Variants in SIGLEC9 observed in about 807,000 individuals in gnomAD.
The protein encoded by SIGLEC9 is sialic acid binding Ig like lectin 9, also known as sialic acid-binding Ig-like lectin 9.
Under a neutral mutation model 38.3 loss-of-function variants are expected in SIGLEC9, and 26 were observed. That is an observed-to-expected ratio of 0.68 (90% confidence interval 0.50 to 0.94). The LOEUF is 0.94. Among genes scored for constraint, SIGLEC9 ranks in the 40% least tolerant of loss-of-function variants. The pLI, the probability that SIGLEC9 is intolerant of heterozygous loss-of-function variation, is 0.00. For synonymous variants in SIGLEC9, 236 were observed against 248.0 expected (o/e 0.95, Z 0.45); for missense variants, 556 against 585.7 (o/e 0.95, Z 0.52).
chr19:51,134,147 C>CTTTTTT (rs71185802), downstream of SIGLEC9, among the ~76,000 whole-genome samples: 1,411 of 66,482 alleles, frequency 0.021, 51 homozygotes, highest in Non-Finnish European at 0.03. Context: ...TCTTTCTTTT[C>CTTTTTT]TTTTTTTTTT....
chr19:51,127,009 C>T, intron 3 of SIGLEC9, 21 bp from the exon 4 acceptor site: 1 of 1,610,260 alleles, frequency 6.2e-7, no homozygotes, highest in Non-Finnish European at 8.5e-7. Context: ...TCTCTCTGAC[C>T]CTCTGTCTCT....
At chr19:51,129,138 C>CTTTTTTT (rs1220098385) in intron 6 of SIGLEC9, among the ~76,000 whole-genome samples, 1 of 142,664 alleles carries the variant, frequency 7.0e-6, no homozygotes, top group African/African-American at 3.0e-5. Flanking sequence ...CACATTCTGA[C>CTTTTTTT]TTTTTTTGTT....
At chr19:51,132,654 C>T (rs1403903864), downstream of SIGLEC9, among the ~76,000 whole-genome samples, 1 of 152,226 alleles carries the variant, frequency 6.6e-6, no homozygotes, top group African/African-American at 2.4e-5. Context: ...GCCGCCGCAT[C>T]CCGCTCAGCT....
rs757637187 is a variant in SIGLEC9 at position 51,125,237 on chromosome 19, G to T, written c.263G>T (p.Arg88Leu). The T allele has an allele frequency of 4.3e-6, 7 of 1,614,052 alleles. No individual in the cohort carries two copies. The South Asian group carries it at 7.7e-5, about 18-fold the overall frequency. Residue 88 changes from arginine (R) to leucine (L), a missense_variant, in exon 1 of 7, where the codon CGG (arginine) becomes CTG (leucine). By Grantham distance (102) the Arg-to-Leu change is moderately radical (BLOSUM62 -2). Transcript: ENST00000250360. ...GCTCGGGCAGTGTGGGAGGAGACTC[G>T]GGACCGATTCCACCTCCTTGGGGAC... ...NPARAVWEET[R>L]DRFHLLGDPH...
chr19:51,134,138 CTTTCT>C (rs2092030765), downstream of SIGLEC9, among the ~76,000 whole-genome samples: 2 of 69,794 alleles, frequency 2.9e-5, no homozygotes, highest in African/African-American at 4.3e-5. Context: ...AATTTTATTT[CTTTCT>C]TTTCTTTTTT....
chr19:51,134,147 C>CTTTTTTTTTTTTTTT (rs71185802), downstream of SIGLEC9, among the ~76,000 whole-genome samples: 3 of 66,506 alleles, frequency 4.5e-5, no homozygotes, highest in Non-Finnish European at 8.0e-5. Context: ...TCTTTCTTTT[C>CTTTTTTTTTTTTTTT]TTTTTTTTTT....
At chr19:51,126,171 T>G in intron 3 of SIGLEC9, 43 bp downstream of exon 3, 1 of 1,574,956 alleles carries the variant, frequency 6.3e-7, no homozygotes, top group Non-Finnish European at 8.7e-7. Flanking sequence ...AGCAGGGCCT[T>G]CAGGTCAGGA....
rs199616534 is a variant in SIGLEC9 at position 51,125,075 on chromosome 19, G to C, written c.101G>C (p.Gly34Ala). The C allele has an allele frequency of 1.4e-5, 23 of 1,613,962 alleles. No individual in the cohort carries two copies. Among genetic ancestry groups the C allele is most frequent in the Non-Finnish European group, 1.8e-5 (21 of 1,179,984 alleles). Reference protein sequence around the residue: ...TMQSSVTVQEGLCVHVPCSFS... With the variant: ...TMQSSVTVQEALCVHVPCSFS... ...CAGAGTTCCGTGACGGTGCAGGAAG[G>C]CCTGTGTGTCCATGTGCCCTGCTCC... Residue 34 changes from glycine to alanine, a missense_variant, in exon 1 of 7, where the codon GGC (glycine) becomes GCC (alanine). Coordinates refer to ENST00000250360, the MANE Select transcript of SIGLEC9 (RefSeq NM_014441.3).
intron 5 of SIGLEC9, 101 bp from the exon 6 acceptor site, chr19:51,128,313 C>T: frequency 7.3e-7 from 1 of 1,361,036 alleles, no homozygotes; most frequent in Non-Finnish European, 1.0e-6. Context: ...CCACCTCAGT[C>T]ACCCCTGCAG....
chr19:51,133,405 T>C (rs1423141835), downstream of SIGLEC9, among the ~76,000 whole-genome samples: 1 of 134,628 alleles, frequency 7.4e-6, no homozygotes, highest in Non-Finnish European at 1.6e-5. Context: ...AAACACCATC[T>C]CTACCAAAAA....
chr19:51,121,887 C>G (rs2091950923), upstream of SIGLEC9, among the ~76,000 whole-genome samples: 1 of 152,090 alleles, frequency 6.6e-6, no homozygotes, highest in African/African-American at 2.4e-5. Context: ...CGCACCCAGC[C>G]TCTTTGCTGT....
rs1017640620 is a variant in SIGLEC9 at position 51,136,194 on chromosome 19, G to A, written c.1436G>A (p.Gly479Asp). The change falls in exon 7 of 7, where the codon GGC becomes GAC. Residue 479 changes from glycine (G) to aspartate (D), a missense_variant. Transcript: ENST00000440804. ...CACTGGTTCTTCCTCATCTGTGTGGGCTGATGTTCCTTTAATCTTTGAAGT... is the reference window on the plus strand; with the variant it reads ...CACTGGTTCTTCCTCATCTGTGTGGACTGATGTTCCTTTAATCTTTGAAGT... 1.3e-5 allele frequency: 9 copies of A among 702,978 alleles called. No individual in the cohort carries two copies. The African/African-American group carries it at 1.4e-4, about 11-fold the overall frequency. The allele number at this position is 702,978 out of a possible 1,614,324, so 43.5% of individuals were successfully genotyped here. A position where few individuals can be genotyped will look rare whatever the true frequency, so the allele number is the denominator to read the frequency against.
chr19:51,125,682 C>T lies in SIGLEC9; in HGVS notation c.507C>T (p.Ala169=), dbSNP rs147990048. 44 of 1,613,978 alleles carry T rather than the reference C, an allele frequency of 2.7e-5. No homozygotes were observed. In the East Asian group the frequency reaches 9.6e-4, roughly 35 times the overall value. The change falls in exon 2 of 7, where the codon GCC becomes GCT. Residue 169 remains alanine, a synonymous_variant. Coordinates refer to ENST00000250360, the MANE Select transcript of SIGLEC9 (RefSeq NM_014441.3). ...PQNLTCSVPW[A]CEQGTPPMIS... ...ATCTGACCTGCTCTGTGCCCTGGGC[C>T]TGTGAGCAGGGGACACCCCCTATGA... is the stretch of plus-strand genomic sequence containing the variant.
In SIGLEC9 at chr19:51,125,895, G is replaced by A. The variant is rs1326160280; in HGVS notation, c.700+20G>A. 79 of 1,613,504 alleles carry A rather than the reference G, an allele frequency of 4.9e-5. No homozygotes were observed. Among genetic ancestry groups the A allele is most frequent in the Non-Finnish European group, 5.0e-5 (59 of 1,179,694 alleles). ...TGTCCTGTGAGTGCTGGGCCGGGAC[G>A]CCTGGGTCCCTGATGGGGTGAGCGT... On this transcript the variant is annotated intron_variant, in intron 2 of 6. Transcript: ENST00000250360.
At position 51,125,286 on chromosome 19, in the gene SIGLEC9, G is replaced by A; in HGVS notation, c.312G>A (p.Leu104=). ...LGDPHTKNCT[L]SIRDARRSDA... is the part of the protein sequence containing the mutation. ...ACCCACATACCAAGAATTGCACCCT[G>A]AGCATCAGAGATGCCAGAAGAAGTG... is the stretch of plus-strand genomic sequence containing the variant. The change falls in exon 1 of 7, where the codon CTG becomes CTA. Residue 104 remains leucine (L), a synonymous_variant. Transcript: ENST00000250360. 3 of 1,613,940 alleles carry A rather than the reference G, an allele frequency of 1.9e-6. No homozygotes were observed. Among genetic ancestry groups the A allele is most frequent in the East Asian group, 2.2e-5 (1 of 44,878 alleles).
At chr19:51,123,496 T>C (rs2091956047), upstream of SIGLEC9, among the ~76,000 whole-genome samples, 1 of 152,220 alleles carries the variant, frequency 6.6e-6, no homozygotes, top group Non-Finnish European at 1.5e-5. Flanking sequence ...GCAGTTGAGA[T>C]GCTGCAACTT....
upstream of SIGLEC9, among the ~76,000 whole-genome samples, chr19:51,121,482 C>G (rs2091950031): frequency 6.6e-6 from 1 of 152,098 alleles, no homozygotes; most frequent in South Asian, 2.1e-4. Flanking sequence ...TACTCATGAG[C>G]CAGTGGGTGC....
In SIGLEC9 at chr19:51,125,791, G is replaced by C. The variant is rs772565207; in HGVS notation, c.616G>C (p.Asp206His). The C allele has an allele frequency of 2.5e-6, 4 of 1,614,110 alleles. No homozygotes were observed. The highest frequency in any genetic ancestry group is 3.4e-6 in the Non-Finnish European group (4 of 1,180,018). Residue 206 changes from aspartate (D) to histidine (H), a missense_variant, in exon 2 of 7, where the codon GAC becomes CAC. Coordinates refer to ENST00000250360, the MANE Select transcript of SIGLEC9 (RefSeq NM_014441.3). ...SVLTLIPQPQ[D>H]HGTSLTCQVT... ...GCTCACCCTCATCCCACAGCCCCAGGACCATGGCACCAGCCTCACCTGTCA... is the reference window on the plus strand; with the variant it reads ...GCTCACCCTCATCCCACAGCCCCAGCACCATGGCACCAGCCTCACCTGTCA...
intron 3 of SIGLEC9, among the ~76,000 whole-genome samples, chr19:51,126,754 A>G (rs943868766): frequency 6.6e-6 from 1 of 152,236 alleles, no homozygotes; most frequent in East Asian, 1.9e-4. Context: ...ACAATCTTGT[A>G]TCTACTTCCA....
Sources: gnomAD v4.1 joint callset for allele counts (sites outside exome capture counted in the v4.1 genomes callset) on GRCh38, gnomAD v4.1.1 for gene constraint, MANE v1.5 for transcripts, NCBI Gene and HGNC (gene_info 2026-07-23, HGNC 2026-07-21) for gene names.